The following ANXA4 variants were observed in gnomAD, a reference collection of about 807,000 sequenced individuals.
ANXA4 encodes the protein 35-beta calcimedin.
Under a neutral mutation model 49.8 loss-of-function variants are expected in ANXA4, and 39 were observed. The ratio of observed to expected loss-of-function variants is 0.78; its 90% CI spans 0.61 to 1.02. The LOEUF is 1.02. Among genes scored for constraint, ANXA4 ranks in the 50% least tolerant of loss-of-function variants. ANXA4 has a pLI of 0.00. For missense variants in ANXA4, 360 were observed against 410.1 expected (o/e 0.88, Z 1.05); for synonymous variants, 134 against 152.5 (o/e 0.88, Z 0.89).
At chr2:69,791,920 A>G (rs1672709696) in intron 3 of ANXA4, among the ~76,000 whole-genome samples, 1 of 152,252 alleles carries the variant, frequency 6.6e-6, no homozygotes. Flanking sequence ...CTTAATTGTA[A>G]TAGCACATAT....
chr2:69,810,349 A>C, intron 6 of ANXA4: 2 of 445,190 alleles, frequency 4.5e-6, no homozygotes, highest in Non-Finnish European at 8.4e-6. Flanking sequence ...CAGCCTGGGC[A>C]ACAGAATGAG....
At chr2:69,758,035 T>TGTCTTA (rs1671134079) in intron 1 of ANXA4, among the ~76,000 whole-genome samples, 1 of 151,870 alleles carries the variant, frequency 6.6e-6, no homozygotes, top group South Asian at 2.1e-4. Flanking sequence ...CCCAATATTG[T>TGTCTTA]GTCTTACTCT....
chr2:69,776,523 G>T (rs185486139), intron 1 of ANXA4, among the ~76,000 whole-genome samples: 8 of 151,864 alleles, frequency 5.3e-5, no homozygotes, highest in African/African-American at 1.9e-4. Context: ...AGGGGGTGGG[G>T]TGGGGGTTCC....
chr2:69,724,495 CAGCTGT>C (rs1418401102), intron 3 of ANXA4, among the ~76,000 whole-genome samples: 1 of 152,194 alleles, frequency 6.6e-6, no homozygotes, highest in Non-Finnish European at 1.5e-5. Context: ...CTTGTGTCCC[CAGCTGT>C]CACCATTACT....
At chr2:69,742,982 C>T (rs1670462293) in intron 1 of ANXA4, among the ~76,000 whole-genome samples, 1 of 152,282 alleles carries the variant, frequency 6.6e-6, no homozygotes, top group African/African-American at 2.4e-5. Context: ...CCACCACCCC[C>T]TTCCACTCCC....
At chr2:69,783,948 CCT>C (rs1672307282) in intron 2 of ANXA4, among the ~76,000 whole-genome samples, 1 of 152,090 alleles carries the variant, frequency 6.6e-6, no homozygotes, top group Non-Finnish European at 1.5e-5. Flanking sequence ...TAGTTTTGTT[CCT>C]CCATTCCTTT....
At chr2:69,662,451 G>A (rs995743988) in intron 2 of ANXA4, among the ~76,000 whole-genome samples, 1 of 151,734 alleles carries the variant, frequency 6.6e-6, no homozygotes, top group Admixed American at 6.6e-5. Context: ...GGAGGGGTGG[G>A]AGGGTGCAAA....
chr2:69,724,461 A>G (rs1365210016), intron 3 of ANXA4, among the ~76,000 whole-genome samples: 1 of 152,224 alleles, frequency 6.6e-6, no homozygotes, highest in Non-Finnish European at 1.5e-5. Flanking sequence ...CAAATACGTC[A>G]GGCAGGTATG....
intron 2 of ANXA4, among the ~76,000 whole-genome samples, chr2:69,664,974 G>A (rs1013209539): frequency 6.6e-6 from 1 of 152,078 alleles, no homozygotes; most frequent in East Asian, 1.9e-4. Flanking sequence ...GTCATGGTAT[G>A]CACCTGTAAT....
chr2:69,794,251 G>A (rs965288484), intron 3 of ANXA4, among the ~76,000 whole-genome samples: 3 of 152,208 alleles, frequency 2.0e-5, no homozygotes, highest in Admixed American at 1.3e-4. Flanking sequence ...GTTACATTGT[G>A]TGGGGTTAAA....
chr2:69,719,104 G>A (rs1206203510), intron 2 of ANXA4, among the ~76,000 whole-genome samples: 1 of 150,800 alleles, frequency 6.6e-6, no homozygotes, highest in African/African-American at 2.4e-5. Flanking sequence ...ATTCTCCCAA[G>A]TAGCTGGAAT....
intron 1 of ANXA4, among the ~76,000 whole-genome samples, chr2:69,744,009 C>G (rs542817385): frequency 4.6e-5 from 7 of 152,256 alleles, no homozygotes; most frequent in African/African-American, 1.7e-4. Flanking sequence ...TTAGACTAAG[C>G]CTGCTTTTCT....
chr2:69,796,831 C>T (rs943733911), intron 3 of ANXA4, among the ~76,000 whole-genome samples: 15 of 152,094 alleles, frequency 9.9e-5, no homozygotes, highest in Admixed American at 9.8e-4. Flanking sequence ...GCTCTTCTAA[C>T]TTAGGGGAAT....
At chr2:69,732,543 G>T (rs1238136310) in intron 3 of ANXA4, among the ~76,000 whole-genome samples, 1 of 151,968 alleles carries the variant, frequency 6.6e-6, no homozygotes, top group Non-Finnish European at 1.5e-5. Flanking sequence ...CGGATCACCT[G>T]AGGTCGGGAG....
chr2:69,807,844 G>A, intron 5 of ANXA4, 62 bp from the exon 6 acceptor site: 1 of 1,359,950 alleles, frequency 7.4e-7, no homozygotes, highest in Non-Finnish European at 1.0e-6. Flanking sequence ...TATTCCTTCT[G>A]TGTCTGGGCC....
intron 3 of ANXA4, among the ~76,000 whole-genome samples, chr2:69,724,887 G>A (rs1429994583): frequency 1.3e-5 from 2 of 150,272 alleles, no homozygotes; most frequent in Non-Finnish European, 3.0e-5. Context: ...TTGAGAGGAA[G>A]CTGGGTTGCA....
At chr2:69,812,430 T>G (rs780306945) in intron 7 of ANXA4, among the ~76,000 whole-genome samples, 2 of 152,134 alleles carry the variant, frequency 1.3e-5, no homozygotes, top group Admixed American at 1.3e-4. Context: ...GAGGCACTCA[T>G]GCAACGTTAG....
At chr2:69,791,687 T>C (rs1316058744) in intron 3 of ANXA4, among the ~76,000 whole-genome samples, 8 of 152,266 alleles carry the variant, frequency 5.3e-5, no homozygotes, top group Non-Finnish European at 1.5e-5. Context: ...ATAAACATTT[T>C]AGCCTTTTAT....
intron 2 of ANXA4, among the ~76,000 whole-genome samples, chr2:69,703,220 G>A (rs1330840875): frequency 1.3e-5 from 2 of 149,072 alleles, no homozygotes; most frequent in East Asian, 2.0e-4. Context: ...GGACTCTTTC[G>A]CCTCTGGCTT....
Sources: gnomAD v4.1 joint callset for allele counts (sites outside exome capture counted in the v4.1 genomes callset) on GRCh38, gnomAD v4.1.1 for gene constraint, MANE v1.5 for transcripts, NCBI Gene and HGNC (gene_info 2026-07-23, HGNC 2026-07-21) for gene names.